XKR6: variants seen among roughly 807,000 people sequenced by gnomAD.
The protein encoded by XKR6 is XK-related protein 6.
XKR6 carries 22 observed loss-of-function variants against 56.7 expected under a neutral mutation model. The ratio of observed to expected loss-of-function variants is 0.39; its 90% CI spans 0.28 to 0.55. The LOEUF is 0.55. XKR6 is among the 20% of genes least tolerant of loss of function. XKR6 has a pLI of 0.66. For missense variants in XKR6, 852 were observed against 889.0 expected, an observed-to-expected ratio of 0.96 and a Z score of 0.53; for synonymous variants, 524 against 387.8, an observed-to-expected ratio of 1.35 and a Z score of -4.13.
intron 1 of XKR6, among the ~76,000 whole-genome samples, chr8:10,995,268 G>A (rs898827926): frequency 1.3e-5 from 2 of 151,594 alleles, no homozygotes; most frequent in Non-Finnish European, 2.9e-5. Context: ...TAATCCCAGT[G>A]CTTTAGGAGA....
intron 1 of XKR6, among the ~76,000 whole-genome samples, chr8:11,100,762 C>G (rs1798440689): frequency 6.6e-6 from 1 of 152,218 alleles, no homozygotes; most frequent in African/African-American, 2.4e-5. Context: ...AAAGCAGTTT[C>G]TGGGGAGGAA....
intron 1 of XKR6, among the ~76,000 whole-genome samples, chr8:11,034,460 C>G (rs1294677246): frequency 6.6e-6 from 1 of 152,150 alleles, no homozygotes; most frequent in Non-Finnish European, 1.5e-5. Flanking sequence ...TGAAATGTAC[C>G]ACATGAAGCA....
chr8:11,006,346 T>C (rs566992049), intron 1 of XKR6, among the ~76,000 whole-genome samples: 2 of 152,054 alleles, frequency 1.3e-5, no homozygotes, highest in African/African-American at 4.8e-5. Context: ...TCTGCCTGGG[T>C]ATTATTAGGG....
chr8:10,903,948 G>A (rs754037418), intron 2 of XKR6, among the ~76,000 whole-genome samples: 4 of 152,138 alleles, frequency 2.6e-5, no homozygotes, highest in African/African-American at 4.8e-5. Flanking sequence ...GAGAATTTCC[G>A]TCTTGTCTGA....
intron 1 of XKR6, among the ~76,000 whole-genome samples, chr8:11,099,490 G>A (rs1160563009): frequency 6.6e-6 from 1 of 152,232 alleles, no homozygotes; most frequent in African/African-American, 2.4e-5. Flanking sequence ...GGGCAGGGCA[G>A]CCCTGCCTGG....
chr8:11,011,997 G>T (rs1040255843), intron 1 of XKR6, among the ~76,000 whole-genome samples: 8 of 152,226 alleles, frequency 5.3e-5, no homozygotes, highest in Non-Finnish European at 7.3e-5. Flanking sequence ...CACAGGTGGG[G>T]TGTCCACATG....
rs116957603 is a variant in XKR6 at position 11,110,853 on chromosome 8, T to C, written c.764+89723A>G. Reference sequence around the variant, plus strand: ...TACACTCAACTTTCCTTTTTTTTTTTTGAGGCGGAGTCTTGCTCTGTTGCC... The same window carrying C: ...TACACTCAACTTTCCTTTTTTTTTTCTGAGGCGGAGTCTTGCTCTGTTGCC... On this transcript the variant is annotated intron_variant, in intron 1 of 2. Transcript: ENST00000416569. Among the ~76,000 whole-genome samples, 120 of 152,158 alleles carry C rather than the reference T, an allele frequency of 7.9e-4. No homozygotes were observed. The East Asian group carries it at 0.016, about 20-fold the overall frequency.
intron 1 of XKR6, among the ~76,000 whole-genome samples, chr8:11,063,668 T>C (rs1054463611): frequency 2.6e-5 from 4 of 152,000 alleles, no homozygotes; most frequent in Admixed American, 2.0e-4. Flanking sequence ...CCAGTAAGGG[T>C]TAAATTTTAA....
chr8:11,164,319 G>A (rs776136061), intron 1 of XKR6, among the ~76,000 whole-genome samples: 1 of 152,186 alleles, frequency 6.6e-6, no homozygotes. Context: ...TTAGGTACTC[G>A]CTAGACTTTT....
intron 1 of XKR6, among the ~76,000 whole-genome samples, chr8:11,187,475 C>G (rs552550452): frequency 6.6e-6 from 1 of 152,258 alleles, no homozygotes; most frequent in South Asian, 2.1e-4. Flanking sequence ...GATTCCTTCC[C>G]ACATGACTGG....
chr8:11,010,659 C>A (rs1269758527), intron 1 of XKR6, among the ~76,000 whole-genome samples: 2 of 152,210 alleles, frequency 1.3e-5, no homozygotes, highest in African/African-American at 4.8e-5. Flanking sequence ...TAATTTTCCA[C>A]AAAATGATTT....
intron 1 of XKR6, among the ~76,000 whole-genome samples, chr8:11,001,036 T>C (rs1176521206): frequency 6.6e-6 from 1 of 152,174 alleles, no homozygotes; most frequent in Admixed American, 6.5e-5. Flanking sequence ...AAACCTCAAG[T>C]ATGAACTCTG....
At chr8:11,024,252 T>TGTGA (rs1366545611) in intron 1 of XKR6, among the ~76,000 whole-genome samples, 3 of 143,750 alleles carry the variant, frequency 2.1e-5, no homozygotes, top group Non-Finnish European at 4.6e-5. Context: ...TGTGTGTGTG[T>TGTGA]GATTCTCCAT....
At position 11,200,278 on chromosome 8, in the gene XKR6, G is replaced by A. The variant is rs1304346967; in HGVS notation, c.764+298C>T. On this transcript the variant is annotated intron_variant, in intron 1 of 2. Transcript: ENST00000416569. This position sits in a 1 kb window ranked among gnomAD's most constrained non-coding sequence, Gnocchi z 6.4. Reference sequence around the variant, plus strand: ...ACCTCGGGAGGCAGGGAAAAGGGACGCTTGGGAACGGAGCTCTGCAGAGGG... The same window carrying A: ...ACCTCGGGAGGCAGGGAAAAGGGACACTTGGGAACGGAGCTCTGCAGAGGG... 6.6e-6 allele frequency among the ~76,000 whole-genome samples: 1 copy of A among 152,224 alleles called. No homozygotes were observed. The highest frequency in any genetic ancestry group is 2.1e-4 in the South Asian group (1 of 4,836).
At chr8:11,042,445 T>C (rs1799309037) in intron 1 of XKR6, among the ~76,000 whole-genome samples, 1 of 152,258 alleles carries the variant, frequency 6.6e-6, no homozygotes, top group South Asian at 2.1e-4. Flanking sequence ...TGAGATCTGA[T>C]GGTTTTATAA....
intron 1 of XKR6, among the ~76,000 whole-genome samples, chr8:11,121,967 T>C (rs372756673): frequency 3.9e-5 from 6 of 152,324 alleles, no homozygotes; most frequent in South Asian, 2.1e-4. Context: ...TTCTCACTCA[T>C]AGGTGGGAAT....
At chr8:11,181,105 A>T (rs1195214683) in intron 1 of XKR6, among the ~76,000 whole-genome samples, 1 of 152,138 alleles carries the variant, frequency 6.6e-6, no homozygotes, top group Non-Finnish European at 1.5e-5. Context: ...AAGTGCACTA[A>T]GACTTGTTGG....
intron 1 of XKR6, among the ~76,000 whole-genome samples, chr8:11,112,779 A>T (rs1333732969): frequency 6.6e-6 from 1 of 152,224 alleles, no homozygotes; most frequent in Non-Finnish European, 1.5e-5. Flanking sequence ...AATGGGGCCC[A>T]GATTTCCATG....
intron 1 of XKR6, among the ~76,000 whole-genome samples, chr8:11,043,737 C>T (rs796908697): frequency 8.5e-5 from 13 of 152,380 alleles, no homozygotes; most frequent in African/African-American, 3.1e-4. Flanking sequence ...AGTTCCCGCC[C>T]ATGACAGGAC....
Sources: allele counts gnomAD v4.1 joint callset (sites outside exome capture counted in the v4.1 genomes callset), GRCh38; gene constraint gnomAD v4.1.1; non-coding constraint Gnocchi (gnomAD v3.1); transcripts MANE v1.5; gene names NCBI Gene and HGNC (gene_info 2026-07-23, HGNC 2026-07-21).